The following ADCY8 variants were observed in gnomAD, a reference collection of about 807,000 sequenced individuals.
The protein encoded by ADCY8 is adenylate cyclase type 8.
Under a neutral mutation model 119.7 loss-of-function variants are expected in ADCY8, and 51 were observed. The observed-to-expected ratio is 0.43, with a 90% CI of 0.34 to 0.54. ADCY8 has a LOEUF of 0.54. Among genes scored for constraint, ADCY8 ranks in the 20% least tolerant of loss-of-function variants. The pLI, the probability that ADCY8 is intolerant of heterozygous loss-of-function variation, is 0.03. For missense variants in ADCY8, 1,383 were observed against 1,598.8 expected (o/e 0.87, Z 2.30); for synonymous variants, 665 against 651.0 (o/e 1.02, Z -0.33).
chr8:130,949,895 G>A (rs1319388073), intron 3 of ADCY8, among the ~76,000 whole-genome samples: 3 of 152,140 alleles, frequency 2.0e-5, no homozygotes, highest in African/African-American at 7.2e-5. Context: ...TCCTGGAATT[G>A]CTGTTTGACA....
chr8:130,816,519 G>A (rs1398544141), intron 13 of ADCY8, among the ~76,000 whole-genome samples: 3 of 141,162 alleles, frequency 2.1e-5, no homozygotes, highest in African/African-American at 5.3e-5. Flanking sequence ...TCCGCCCCTC[G>A]GGTTCACCCC....
At chr8:131,028,687 T>G (rs1048578896) in intron 1 of ADCY8, among the ~76,000 whole-genome samples, 4 of 152,186 alleles carry the variant, frequency 2.6e-5, no homozygotes, top group African/African-American at 4.8e-5. Context: ...ACTGGTCCAG[T>G]TAGGGTACAA....
intron 12 of ADCY8, among the ~76,000 whole-genome samples, chr8:130,821,806 G>C (rs960107967): frequency 2.6e-5 from 4 of 152,086 alleles, no homozygotes; most frequent in African/African-American, 7.2e-5. Flanking sequence ...GCTTATACTG[G>C]GCCAGGCACA....
chr8:131,011,490 C>A (rs1462289428), intron 1 of ADCY8, among the ~76,000 whole-genome samples: 1 of 152,180 alleles, frequency 6.6e-6, no homozygotes, highest in Admixed American at 6.5e-5. Context: ...ACTGCCAAAG[C>A]TGCCCTTCTC....
intron 5 of ADCY8, among the ~76,000 whole-genome samples, chr8:130,933,057 A>T (rs1820680866): frequency 6.6e-6 from 1 of 152,180 alleles, no homozygotes; most frequent in Admixed American, 6.5e-5. Flanking sequence ...CACTCTGGGG[A>T]TTGATGGTAT....
chr8:130,800,763 C>A (rs1024903383), intron 14 of ADCY8, among the ~76,000 whole-genome samples, 191 bp from the exon 15 acceptor site: 2 of 152,172 alleles, frequency 1.3e-5, no homozygotes, highest in African/African-American at 4.8e-5. Context: ...ATACCTTAGA[C>A]TGAGTGGCTT....
intron 1 of ADCY8, among the ~76,000 whole-genome samples, chr8:131,007,213 A>T (rs1328790285): frequency 6.6e-6 from 1 of 152,214 alleles, no homozygotes; most frequent in Non-Finnish European, 1.5e-5. Context: ...GGGAGGAAAT[A>T]AGAAGACTAT....
At position 130,867,826 on chromosome 8, in the gene ADCY8, A is replaced by G; in HGVS notation, c.2210+20T>C. On this transcript the variant is annotated intron_variant, in intron 9 of 17. Transcript: ENST00000286355. The stretch of plus-strand genomic sequence containing the variant: ...CTCACAAAGATATTTCACCAGATCA[A>G]TTAGTTCTTTTACATTTACCTTGAA... The G allele has an allele frequency of 6.5e-7, 1 of 1,538,446 alleles. No individual in the cohort carries two copies. The highest frequency in any genetic ancestry group is 9.0e-7 in the Non-Finnish European group (1 of 1,116,336).
chr8:130,861,554 A>G (rs1297576782), intron 9 of ADCY8, among the ~76,000 whole-genome samples: 1 of 152,148 alleles, frequency 6.6e-6, no homozygotes, highest in African/African-American at 2.4e-5. Flanking sequence ...TTATTTGTTT[A>G]TTAGTCTTAG....
intron 9 of ADCY8, among the ~76,000 whole-genome samples, chr8:130,858,866 T>G (rs973428000): frequency 1.3e-5 from 2 of 152,120 alleles, no homozygotes; most frequent in Admixed American, 1.3e-4. Flanking sequence ...TGTTGGTTCC[T>G]GTGTCCCTTT....
chr8:131,001,374 G>A (rs1393412375), intron 1 of ADCY8, among the ~76,000 whole-genome samples: 1 of 151,960 alleles, frequency 6.6e-6, no homozygotes, highest in Admixed American at 6.6e-5. Context: ...TTTGTCATCA[G>A]AGACCTGGGT....
At chr8:130,941,635 C>T (rs1454876619) in intron 4 of ADCY8, among the ~76,000 whole-genome samples, 1 of 152,112 alleles carries the variant, frequency 6.6e-6, no homozygotes, top group Non-Finnish European at 1.5e-5. Flanking sequence ...TAGGAGGATC[C>T]CTCAGTTTCC....
At chr8:130,995,319 A>G (rs1199491876) in intron 1 of ADCY8, among the ~76,000 whole-genome samples, 2 of 152,212 alleles carry the variant, frequency 1.3e-5, no homozygotes, top group Non-Finnish European at 2.9e-5. Context: ...GAAAGAACTA[A>G]CATGTACTAT....
chr8:130,969,510 C>T (rs1821861066), intron 2 of ADCY8, among the ~76,000 whole-genome samples: 1 of 152,098 alleles, frequency 6.6e-6, no homozygotes, highest in African/African-American at 2.4e-5. Flanking sequence ...GTTACTGTAG[C>T]TATTGTTATT....
At chr8:130,963,139 T>C (rs1821658685) in intron 2 of ADCY8, among the ~76,000 whole-genome samples, 1 of 151,204 alleles carries the variant, frequency 6.6e-6, no homozygotes, top group Non-Finnish European at 1.5e-5. Context: ...TTCTGAAACT[T>C]GGATCATAGT....
intron 5 of ADCY8, among the ~76,000 whole-genome samples, chr8:130,916,274 C>G (rs1820125870): frequency 6.6e-6 from 1 of 152,180 alleles, no homozygotes; most frequent in South Asian, 2.1e-4. Flanking sequence ...TATATGGACA[C>G]AGTCTCTACA....
chr8:130,834,587 A>G (rs562064164), intron 12 of ADCY8, among the ~76,000 whole-genome samples: 2 of 152,306 alleles, frequency 1.3e-5, no homozygotes, highest in Admixed American at 1.3e-4. Context: ...AGCATTTTTT[A>G]TAATAGGGAA....
intron 9 of ADCY8, among the ~76,000 whole-genome samples, chr8:130,854,432 A>G (rs1340227502): frequency 6.6e-6 from 1 of 152,218 alleles, no homozygotes; most frequent in Non-Finnish European, 1.5e-5. Context: ...ATCAGTGGGG[A>G]TGAGTGAACA....
intron 5 of ADCY8, among the ~76,000 whole-genome samples, chr8:130,931,677 T>C (rs1230770521): frequency 1.3e-5 from 2 of 152,154 alleles, no homozygotes; most frequent in Non-Finnish European, 2.9e-5. Context: ...AAATAACCTG[T>C]GTTGGTGTTC....
Sources: allele counts gnomAD v4.1 joint callset (sites outside exome capture counted in the v4.1 genomes callset), GRCh38; gene constraint gnomAD v4.1.1; transcripts MANE v1.5; gene names NCBI Gene and HGNC (gene_info 2026-07-23, HGNC 2026-07-21).